Variants in ADAMTSL1 observed in about 807,000 individuals in gnomAD.
ADAMTSL1 encodes ADAMTS-like protein 1.
ADAMTSL1 carries 126 observed loss-of-function variants against 201.8 expected under a neutral mutation model. The ratio of observed to expected loss-of-function variants is 0.62; its 90% confidence interval spans 0.54 to 0.72. The LOEUF is 0.72. ADAMTSL1 is among the 30% of genes least tolerant of loss of function. The pLI is 0.00. For synonymous variants in ADAMTSL1, 1,121 were observed against 903.4 expected (o/e 1.24, Z -4.32); for missense variants, 2,679 against 2,277.8 (o/e 1.18, Z -3.59).
intron 1 of ADAMTSL1, among the ~76,000 whole-genome samples, chr9:17,932,525 G>T (rs760028931): frequency 5.9e-5 from 9 of 152,098 alleles, no homozygotes; most frequent in Admixed American, 2.6e-4. Context: ...CGTTGAAGGC[G>T]CAGTAGAGCT....
chr9:18,671,183 C>A (rs1829787277), intron 9 of ADAMTSL1, among the ~76,000 whole-genome samples: 2 of 151,986 alleles, frequency 1.3e-5, no homozygotes, highest in South Asian at 2.1e-4. Context: ...GCCAATAGTA[C>A]ACAGTTAAAA....
chr9:18,863,473 T>C (rs1368453152), intron 23 of ADAMTSL1, among the ~76,000 whole-genome samples: 1 of 152,168 alleles, frequency 6.6e-6, no homozygotes, highest in African/African-American at 2.4e-5. Flanking sequence ...TTAGTTTTCT[T>C]TGGGAAAATG....
At chr9:18,635,849 T>G in intron 5 of ADAMTSL1, 94 bp from the exon 6 acceptor site, 1 of 1,025,560 alleles carries the variant, frequency 9.8e-7, no homozygotes, top group Non-Finnish European at 1.4e-6. Context: ...ACTGTAGTTT[T>G]TAAGGTATGG....
chr9:18,074,561 C>CTTTTTTT (rs138619215), intron 1 of ADAMTSL1, among the ~76,000 whole-genome samples: 1 of 131,330 alleles, frequency 7.6e-6, no homozygotes, highest in African/African-American at 2.8e-5. Flanking sequence ...CTTCTCTTTT[C>CTTTTTTT]TTTTTTTTTT....
chr9:18,204,717 T>A (rs1467561939), intron 2 of ADAMTSL1, among the ~76,000 whole-genome samples: 4 of 152,080 alleles, frequency 2.6e-5, no homozygotes, highest in African/African-American at 7.2e-5. Flanking sequence ...GTGTGTGAGT[T>A]TAACCAGAAA....
chr9:18,868,899 C>T (rs763443512), intron 23 of ADAMTSL1, among the ~76,000 whole-genome samples: 8 of 152,088 alleles, frequency 5.3e-5, no homozygotes, highest in Non-Finnish European at 1.2e-4. Context: ...TGAATTGTAT[C>T]CCCACAAAAG....
At chr9:18,313,615 C>G (rs1834238392) in intron 2 of ADAMTSL1, among the ~76,000 whole-genome samples, 1 of 151,982 alleles carries the variant, frequency 6.6e-6, no homozygotes, top group Non-Finnish European at 1.5e-5. Context: ...TATCTACATG[C>G]AAAAGAATAA....
chr9:18,044,720 G>A (rs777684600), intron 1 of ADAMTSL1, among the ~76,000 whole-genome samples: 1 of 152,182 alleles, frequency 6.6e-6, no homozygotes, highest in Non-Finnish European at 1.5e-5. Flanking sequence ...ACTTTTAGGG[G>A]CACTTGCAAA....
At chr9:18,659,919 T>A (rs905809002) in intron 8 of ADAMTSL1, among the ~76,000 whole-genome samples, 14 of 151,534 alleles carry the variant, frequency 9.2e-5, no homozygotes, top group South Asian at 6.3e-4. Context: ...TTGTTTTTTT[T>A]AAAAAAAAAA....
At chr9:18,535,693 A>C (rs1819724010) in intron 3 of ADAMTSL1, among the ~76,000 whole-genome samples, 1 of 152,192 alleles carries the variant, frequency 6.6e-6, no homozygotes, top group Non-Finnish European at 1.5e-5. Context: ...GGGGATTGTA[A>C]GTAGGAAACT....
intron 2 of ADAMTSL1, among the ~76,000 whole-genome samples, chr9:18,313,512 C>T (rs1834234404): frequency 1.3e-5 from 2 of 152,104 alleles, no homozygotes; most frequent in Admixed American, 1.3e-4. Context: ...GATTTTGATT[C>T]AGTTGGTCAA....
intron 19 of ADAMTSL1, chr9:18,793,318 C>T (rs1447533244): frequency 6.6e-6 from 1 of 152,230 alleles, no homozygotes; most frequent in East Asian, 1.9e-4. Context: ...AGATCTCATT[C>T]ACTGCCAGAC....
At chr9:18,897,070 G>A (rs780264313) in intron 26 of ADAMTSL1, among the ~76,000 whole-genome samples, 1 of 152,186 alleles carries the variant, frequency 6.6e-6, no homozygotes, top group African/African-American at 2.4e-5. Flanking sequence ...GTGAGTCCTG[G>A]CAGCCCAGGT....
chr9:18,668,889 A>G lies in ADAMTSL1; in HGVS notation c.1085+6816A>G, dbSNP rs142381169. Among the ~76,000 whole-genome samples the G allele has an allele frequency of 4.5e-3, 683 of 152,314 alleles. 8 individuals are homozygous for G. The highest frequency in any genetic ancestry group is 0.015 in the African/African-American group (634 of 41,578). On this transcript the variant is annotated intron_variant, in intron 9 of 28. Transcript: ENST00000380548. ...GTTGTCACCTTTATTTTACAGATGA[A>G]AAAACTGAAGCTCAGAGAGGTTAAG...
chr9:18,800,074 A>G (rs1262621258), intron 20 of ADAMTSL1, among the ~76,000 whole-genome samples: 1 of 152,142 alleles, frequency 6.6e-6, no homozygotes, highest in African/African-American at 2.4e-5. Flanking sequence ...GCTCCCATGC[A>G]CTAGATCAAA....
intron 2 of ADAMTSL1, among the ~76,000 whole-genome samples, chr9:18,508,824 T>C (rs1430938212): frequency 3.2e-4 from 48 of 152,110 alleles, no homozygotes; most frequent in Non-Finnish European, 1.3e-4. Flanking sequence ...TGTAATTAGG[T>C]CATTGCTTAA....
At chr9:18,372,732 A>G (rs756927895) in intron 2 of ADAMTSL1, among the ~76,000 whole-genome samples, 1 of 152,216 alleles carries the variant, frequency 6.6e-6, no homozygotes, top group Non-Finnish European at 1.5e-5. Context: ...TATCGTAGAG[A>G]TAATACAGTA....
chr9:18,049,773 A>G (rs1042757679), intron 1 of ADAMTSL1, among the ~76,000 whole-genome samples: 34 of 151,938 alleles, frequency 2.2e-4, no homozygotes, highest in African/African-American at 8.0e-4. Context: ...ACAGGCGCCC[A>G]CCACTGCGCC....
intron 2 of ADAMTSL1, among the ~76,000 whole-genome samples, chr9:18,386,137 G>A (rs1587038508): frequency 6.6e-6 from 1 of 152,142 alleles, no homozygotes; most frequent in African/African-American, 2.4e-5. Context: ...TGCAGGACTA[G>A]TGTTCTTTTA....
Sources: allele counts gnomAD v4.1 joint callset (sites outside exome capture counted in the v4.1 genomes callset), GRCh38; gene constraint gnomAD v4.1.1; transcripts MANE v1.5; gene names NCBI Gene and HGNC (gene_info 2026-07-23, HGNC 2026-07-21).